Variants in HEG1 observed in about 807,000 individuals in gnomAD.
The protein encoded by HEG1 is protein HEG homolog 1.
Under a neutral mutation model 125.6 loss-of-function variants are expected in HEG1, and 56 were observed. The ratio of observed to expected loss-of-function variants is 0.45; its 90% confidence interval spans 0.36 to 0.56. HEG1 has a LOEUF of 0.56. Among genes scored for constraint, HEG1 ranks in the 20% least tolerant of loss-of-function variants. The pLI is 0.00. For missense variants in HEG1, 1,523 were observed against 1,670.0 expected (o/e 0.91, Z 1.53); for synonymous variants, 644 against 668.5 (o/e 0.96, Z 0.57).
At chr3:124,970,877 T>C in intron 16 of HEG1, 76 bp from the exon 17 acceptor site, 1 of 1,226,318 alleles carries the variant, frequency 8.2e-7, no homozygotes, top group Non-Finnish European at 1.2e-6. Flanking sequence ...ATCCCAATGA[T>C]TTTAGACCAA....
Position 125,010,655 on chromosome 3 carries a change from C to T in HEG1, c.2957-100G>A, listed in dbSNP as rs1459374452. ...TCTCCCAGCTAATATTTGATTCTTG[C>T]TTATTTCTGTTTACTTGCCCTGAAA... On this transcript the variant is annotated intron_variant, in intron 6 of 16. Coordinates refer to ENST00000311127, the MANE Select transcript of HEG1 (RefSeq NM_020733.2). 3 of 798,310 alleles carry T rather than the reference C, an allele frequency of 3.8e-6. No individual in the cohort carries two copies. The African/African-American group carries it at 5.2e-5, about 14-fold the overall frequency. The allele number at this position is 798,310 out of a possible 1,614,324, so 49.5% of individuals were successfully genotyped here.
At chr3:124,984,973 A>G (rs1293686475) in intron 14 of HEG1, among the ~76,000 whole-genome samples, 1 of 152,230 alleles carries the variant, frequency 6.6e-6, no homozygotes, top group East Asian at 1.9e-4. Flanking sequence ...AAAACATTCC[A>G]CAGTTTACTA....
At chr3:124,981,935 C>T (rs556384972) in intron 14 of HEG1, among the ~76,000 whole-genome samples, 74 of 150,686 alleles carry the variant, frequency 4.9e-4, no homozygotes, top group Middle Eastern at 6.8e-3. Context: ...CTTTTTGAGA[C>T]GGAGTCGCCC....
At chr3:125,036,665 CAAT>C (rs1463679028) in intron 1 of HEG1, among the ~76,000 whole-genome samples, 2 of 152,092 alleles carry the variant, frequency 1.3e-5, no homozygotes, top group Non-Finnish European at 1.5e-5. Flanking sequence ...CATGAATGTG[CAAT>C]TCACAAAAGG....
At chr3:125,017,890 G>A (rs773118086) in intron 5 of HEG1, among the ~76,000 whole-genome samples, 15 of 151,760 alleles carry the variant, frequency 9.9e-5, no homozygotes, top group South Asian at 2.1e-4. Context: ...TTAGCCAGGC[G>A]TGGTGGTGGG....
At chr3:125,005,661 T>C (rs1004239596) in intron 8 of HEG1, among the ~76,000 whole-genome samples, 3 of 152,198 alleles carry the variant, frequency 2.0e-5, no homozygotes, top group African/African-American at 7.2e-5. Context: ...GCCTTAGCAA[T>C]GTCCCTAGGA....
chr3:125,007,295 T>C (rs1314289878), intron 8 of HEG1, among the ~76,000 whole-genome samples: 1 of 151,474 alleles, frequency 6.6e-6, no homozygotes, highest in East Asian at 1.9e-4. Context: ...CTGCTTTTGG[T>C]GTGAATATAA....
intron 1 of HEG1, among the ~76,000 whole-genome samples, chr3:125,036,306 T>C (rs1176866427): frequency 6.9e-6 from 1 of 145,952 alleles, no homozygotes; most frequent in Non-Finnish European, 1.5e-5. Flanking sequence ...AATCAGTGAA[T>C]ACTGTCTAAA....
chr3:124,980,282 C>T (rs571700095), intron 14 of HEG1, among the ~76,000 whole-genome samples: 128 of 152,274 alleles, frequency 8.4e-4, no homozygotes, highest in African/African-American at 2.9e-3. Context: ...TTTAAAAAAC[C>T]CTCTGTGGCT....
In HEG1 at chr3:124,969,968, T is replaced by C. The variant is rs961664469; in HGVS notation, c.*684A>G. On this transcript the variant is annotated 3_prime_UTR_variant, in exon 17 of 17. Transcript: ENST00000311127. ...ATTTAAAAAAAAAATCTTAAATACA[T>C]GTGTCACCTTGACTTAAAAAACACA... 4.6e-5 allele frequency: 7 copies of C among 152,204 alleles called. No homozygotes were observed. The highest frequency in any genetic ancestry group is 1.7e-4 in the African/African-American group (7 of 41,438). 9.4% of individuals were successfully genotyped at this position (152,204 alleles called of 1,614,324 possible). A position where few individuals can be genotyped will look rare whatever the true frequency, so the allele number is the denominator to read the frequency against.
intron 1 of HEG1, among the ~76,000 whole-genome samples, chr3:125,038,428 C>G (rs2107711053): frequency 6.6e-6 from 1 of 152,316 alleles, no homozygotes; most frequent in South Asian, 2.1e-4. Flanking sequence ...CTCTATCTCT[C>G]TTATTGCCTA....
chr3:125,041,493 A>G (rs944556345), intron 1 of HEG1, among the ~76,000 whole-genome samples: 19 of 152,260 alleles, frequency 1.2e-4, no homozygotes, highest in Admixed American at 9.8e-4. Context: ...ACACTCCCGC[A>G]GTGCTGGTGG....
rs1936339982 is a variant in HEG1 at position 124,967,588 on chromosome 3, T to C, written c.*3064A>G. On this transcript the variant is annotated 3_prime_UTR_variant, in exon 17 of 17. Transcript: ENST00000311127. ...CTTGCCCTCTTTGATATTTAAGGTA[T>C]ACAGGATGGTGAGGGGTGTGCCAGG... 1.3e-5 allele frequency: 2 copies of C among 152,026 alleles called. No individual in the cohort carries two copies. Among genetic ancestry groups the C allele is most frequent in the Middle Eastern group, 3.4e-3 (1 of 294 alleles). The allele number at this position is 152,026 out of a possible 1,614,324, so 9.4% of individuals were successfully genotyped here.
At chr3:125,040,581 A>T (rs1436380021) in intron 1 of HEG1, among the ~76,000 whole-genome samples, 1 of 152,206 alleles carries the variant, frequency 6.6e-6, no homozygotes, top group Non-Finnish European at 1.5e-5. Context: ...GTGGACCACA[A>T]TCAAATGAAA....
chr3:125,027,492 T>C lies in HEG1; in HGVS notation c.626A>G (p.His209Arg). Reference protein sequence around the residue: ...QSGNLASESLHLPSSSSEFDE... With the variant: ...QSGNLASESLRLPSSSSEFDE... ...GAACTCTGAACTGCTGGATGGCAGG[T>C]GAAGACTTTCTGAGGCTGAAAACAG... is the stretch of plus-strand genomic sequence containing the variant. Residue 209 changes from histidine to arginine, a missense_variant, in exon 3 of 17, where the codon CAC (histidine) becomes CGC (arginine). His to Arg is a conservative substitution (Grantham distance 29). Coordinates refer to ENST00000311127, the MANE Select transcript of HEG1 (RefSeq NM_020733.2). 6.2e-7 allele frequency: 1 copy of C among 1,606,902 alleles called. No homozygotes were observed. Among genetic ancestry groups the C allele is most frequent in the Non-Finnish European group, 8.5e-7 (1 of 1,176,860 alleles).
chr3:125,013,294 G>A lies in HEG1; in HGVS notation c.2285C>T (p.Thr762Ile), dbSNP rs1321874622. 6.2e-7 allele frequency: 1 copy of A among 1,614,028 alleles called. No individual in the cohort carries two copies. Among genetic ancestry groups the A allele is most frequent in the South Asian group, 1.1e-5 (1 of 91,084 alleles). The change falls in exon 6 of 17, where the codon ACA becomes ATA. Residue 762 changes from threonine to isoleucine, a missense_variant. Thr to Ile is a moderately conservative substitution (Grantham distance 89, BLOSUM62 -1). Coordinates refer to ENST00000311127, the MANE Select transcript of HEG1 (RefSeq NM_020733.2). ...GAGCATTGTCATGAATGATGTCATT[G>A]TTGATGTCTGAAATGAAGTCACAGG... ...ETPVTSFQTSTMTSFMTMLHS... is the reference protein window; with the variant it reads ...ETPVTSFQTSIMTSFMTMLHS...
chr3:124,987,950 C>T (rs866287937), intron 14 of HEG1, among the ~76,000 whole-genome samples: 6 of 84,012 alleles, frequency 7.1e-5, no homozygotes, highest in Non-Finnish European at 1.4e-4. Flanking sequence ...CACACACACA[C>T]ACATATATAT....
intron 3 of HEG1, among the ~76,000 whole-genome samples, chr3:125,021,514 T>G (rs1937335753): frequency 6.6e-6 from 1 of 152,370 alleles, no homozygotes; most frequent in Middle Eastern, 3.4e-3. Flanking sequence ...GTTTTAGCAA[T>G]GTAACCTTTT....
At chr3:125,042,048 G>A (rs1937597474) in intron 1 of HEG1, among the ~76,000 whole-genome samples, 1 of 152,210 alleles carries the variant, frequency 6.6e-6, no homozygotes, top group South Asian at 2.1e-4. Flanking sequence ...CATTGTGATT[G>A]TACTCAATGC....
Sources: gnomAD v4.1 joint callset for allele counts (sites outside exome capture counted in the v4.1 genomes callset) on GRCh38, gnomAD v4.1.1 for gene constraint, MANE v1.5 for transcripts, NCBI Gene and HGNC (gene_info 2026-07-23, HGNC 2026-07-21) for gene names.